Variants in SNUPN observed in about 807,000 individuals in gnomAD.
SNUPN encodes the protein snurportin-1.
In SNUPN, 31 loss-of-function variants were observed where a neutral mutation model predicts 39.2. The ratio of observed to expected loss-of-function variants is 0.79; its 90% CI spans 0.59 to 1.07. SNUPN has a LOEUF of 1.07. SNUPN is among the 50% of genes least tolerant of loss of function. SNUPN has a pLI of 0.00. For synonymous variants in SNUPN, 132 were observed against 159.0 expected (o/e 0.83, Z 1.28); for missense variants, 382 against 434.2 (o/e 0.88, Z 1.07).
intron 1 of SNUPN, among the ~76,000 whole-genome samples, chr15:75,623,391 T>C (rs568606058): frequency 8.6e-5 from 13 of 151,600 alleles, no homozygotes; most frequent in Non-Finnish European, 1.8e-4. Context: ...CCTCCTGATC[T>C]GCCCACCTTG....
In SNUPN at chr15:75,598,384, G is replaced by A. The variant is rs1279714673; in HGVS notation, c.1057C>T (p.His353Tyr). 5.0e-6 allele frequency: 8 copies of A among 1,614,058 alleles called. No homozygotes were observed. Among genetic ancestry groups the A allele is most frequent in the Non-Finnish European group, 6.8e-6 (8 of 1,179,996 alleles). The change falls in exon 9 of 9, where the codon CAC becomes TAC. Residue 353 changes from histidine (H) to tyrosine (Y), a missense_variant. Physicochemically the swap from His to Tyr is moderately conservative, Grantham distance 83 (BLOSUM62 2). Coordinates refer to ENST00000308588, the MANE Select transcript of SNUPN (RefSeq NM_005701.4). Reference sequence around the variant, plus strand: ...TAATTCTCCATGAGGCATCCAGGGTGGTCTGGGCTATGGGAAGAACCCTTC... The same window carrying A: ...TAATTCTCCATGAGGCATCCAGGGTAGTCTGGGCTATGGGAAGAACCCTTC... ...KLKGSSHSPDHPGCLMEN is the reference protein window; with the variant it reads ...KLKGSSHSPDYPGCLMEN
intron 6 of SNUPN, chr15:75,605,442 A>G (rs1046422537): frequency 7.9e-6 from 3 of 377,502 alleles, no homozygotes; most frequent in Non-Finnish European, 1.5e-5. Flanking sequence ...CTGGGACTAC[A>G]GGCGCCCACT....
Position 75,601,221 on chromosome 15 carries a change from G to C in SNUPN, c.679-3C>G, listed in dbSNP as rs2075283808. On this transcript the variant is annotated splice_region_variant and splice_polypyrimidine_tract_variant and intron_variant, in intron 7 of 8. Transcript: ENST00000308588. ...TTCTTTAGCCCCACAAATTTAAACTGAAATAGAAATTAGAACAAGGAATTA... is the reference window on the plus strand; with the variant it reads ...TTCTTTAGCCCCACAAATTTAAACTCAAATAGAAATTAGAACAAGGAATTA... 6.2e-7 allele frequency: 1 copy of C among 1,600,150 alleles called. No individual in the cohort carries two copies. Among genetic ancestry groups the C allele is most frequent in the Non-Finnish European group, 8.6e-7 (1 of 1,167,706 alleles).
At chr15:75,608,710 T>C (rs1447877120) in intron 5 of SNUPN, among the ~76,000 whole-genome samples, 1 of 152,190 alleles carries the variant, frequency 6.6e-6, no homozygotes, top group African/African-American at 2.4e-5. Context: ...TCCAAAGATA[T>C]GTTGACCTTA....
At position 75,598,332 on chromosome 15, in the gene SNUPN, G is replaced by C; in HGVS notation, c.*26C>G. 1 of 1,582,976 alleles carries C rather than the reference G, an allele frequency of 6.3e-7. No homozygotes were observed. Among genetic ancestry groups the C allele is most frequent in the Non-Finnish European group, 8.6e-7 (1 of 1,158,820 alleles). On this transcript the variant is annotated 3_prime_UTR_variant, in exon 9 of 9. Transcript: ENST00000308588. ...TCCTTTTGGGGCCAGGTACCATCCT[G>C]TGGCTCCTTAAGGAGGCTTCTCTCT...
rs774240896 is a variant in SNUPN, at chr15:75,607,310, T to C, written c.506A>G (p.Tyr169Cys). ...ATTGTAAATGCAATCTAGAATGGTG[T>C]AGTCTGAGGACACAAAGCAGAAAGT... ...GNRRNSTAKD[Y>C]TILDCIYNEV... The change falls in exon 6 of 9, where the codon TAC (tyrosine) becomes TGC (cysteine). Residue 169 changes from tyrosine to cysteine, a missense_variant. Transcript: ENST00000308588. 13 of 1,605,976 alleles carry C rather than the reference T, an allele frequency of 8.1e-6. No homozygotes were observed. The South Asian group carries it at 1.4e-4, about 18-fold the overall frequency.
chr15:75,613,127 C>G (rs1040812777), intron 3 of SNUPN, among the ~76,000 whole-genome samples: 2 of 151,794 alleles, frequency 1.3e-5, no homozygotes, highest in Non-Finnish European at 2.9e-5. Flanking sequence ...GGCGCGGTGG[C>G]GGGCACCTGT....
intron 3 of SNUPN, among the ~76,000 whole-genome samples, chr15:75,612,957 G>C (rs1469604529): frequency 2.0e-5 from 3 of 151,908 alleles, no homozygotes; most frequent in African/African-American, 7.3e-5. Context: ...TAAGAAACTT[G>C]TATCTAGAAT....
intron 1 of SNUPN, chr15:75,622,248 TA>T (rs1893092289): frequency 6.7e-6 from 4 of 598,580 alleles, no homozygotes; most frequent in Non-Finnish European, 8.4e-6. Flanking sequence ...ATTTATTTTT[TA>T]AAAAATCTGA....
At chr15:75,617,178 C>G (rs1179593872) in intron 3 of SNUPN, among the ~76,000 whole-genome samples, 1 of 152,234 alleles carries the variant, frequency 6.6e-6, no homozygotes, top group Non-Finnish European at 1.5e-5. Flanking sequence ...AGTTCCCAAA[C>G]CCCACTACCC....
At chr15:75,619,022 TAAAAAAAAAAAAAAAA>T (rs35749195) in intron 2 of SNUPN, among the ~76,000 whole-genome samples, 2 of 74,352 alleles carry the variant, frequency 2.7e-5, no homozygotes, top group South Asian at 1.1e-3. Flanking sequence ...CTACTTGTGT[TAAAAAAAAAAAAAAAA>T]AAAAAAAAAA....
At chr15:75,607,129 G>T (rs2075336540) in intron 6 of SNUPN, 87 bp downstream of exon 6, 3 of 879,796 alleles carry the variant, frequency 3.4e-6, no homozygotes, top group Non-Finnish European at 5.9e-6. Flanking sequence ...CAAGAAGTTG[G>T]TCACATACCA....
At chr15:75,620,558 G>A (rs1422982442) in intron 2 of SNUPN, among the ~76,000 whole-genome samples, 1 of 152,156 alleles carries the variant, frequency 6.6e-6, no homozygotes, top group Non-Finnish European at 1.5e-5. Context: ...AGCATCCCAG[G>A]AAATGTGGGG....
Position 75,598,520 on chromosome 15 carries a change from C to T in SNUPN, c.921G>A (p.Gln307=). The T allele has an allele frequency of 6.2e-7, 1 of 1,614,180 alleles. No homozygotes were observed. Among genetic ancestry groups the T allele is most frequent in the South Asian group, 1.1e-5 (1 of 91,080 alleles). The change falls in exon 9 of 9, where the codon CAG becomes CAA. Residue 307 remains glutamine, a synonymous_variant. Coordinates refer to ENST00000308588, the MANE Select transcript of SNUPN (RefSeq NM_005701.4). The part of the protein sequence containing the change: ...TKPDYAGHQL[Q]QIMEHKKSQK... ...GGCTCTTCTTGTGCTCCATAATCTG[C>T]TGGAGCTGGTGCCCAGCATAGTCTG...
intron 3 of SNUPN, among the ~76,000 whole-genome samples, chr15:75,612,634 T>C (rs1443878172): frequency 6.6e-6 from 1 of 152,048 alleles, no homozygotes; most frequent in Non-Finnish European, 1.5e-5. Flanking sequence ...CTCATCTATA[T>C]TGCGAGATGT....
intron 1 of SNUPN, among the ~76,000 whole-genome samples, chr15:75,623,958 C>G (rs1048074157): frequency 7.4e-6 from 1 of 135,090 alleles, no homozygotes; most frequent in African/African-American, 2.8e-5. Context: ...GACGGAGTCT[C>G]GCTCTGTCGC....
intron 2 of SNUPN, 54 bp from the exon 3 acceptor site, chr15:75,617,606 A>G: frequency 1.4e-6 from 2 of 1,400,350 alleles, no homozygotes; most frequent in South Asian, 1.3e-5. Flanking sequence ...TTTTTTTTTT[A>G]GACAGGGTCT....
At chr15:75,609,739 C>A in intron 4 of SNUPN, 88 bp from the exon 5 acceptor site, 1 of 1,183,004 alleles carries the variant, frequency 8.5e-7, no homozygotes, top group South Asian at 1.4e-5. Flanking sequence ...GTTACTCGAC[C>A]AAAGATGGCT....
Position 75,607,275 on chromosome 15 carries a change from G to A in SNUPN, c.541C>T (p.Gln181Ter), listed in dbSNP as rs1202845292. The A allele has an allele frequency of 6.2e-7, 1 of 1,613,570 alleles. No homozygotes were observed. Among genetic ancestry groups the A allele is most frequent in the African/African-American group, 1.3e-5 (1 of 74,912 alleles). Reference protein sequence around the residue: ...ILDCIYNEVNQTYYVLDVMCW... With the variant: ...ILDCIYNEVN ...ATCACATCCAGAACGTAGTAGGTCT[G>A]GTTTACCTCATTGTAAATGCAATCT... The change falls in exon 6 of 9, where the codon CAG becomes TAG. Residue 181 changes from glutamine (Q) to a stop codon, truncating the protein, a stop_gained. Coordinates refer to ENST00000308588, the MANE Select transcript of SNUPN (RefSeq NM_005701.4). LOFTEE classifies it high-confidence loss of function.
Sources: allele counts gnomAD v4.1 joint callset (sites outside exome capture counted in the v4.1 genomes callset), GRCh38; gene constraint gnomAD v4.1.1; transcripts MANE v1.5; gene names NCBI Gene and HGNC (gene_info 2026-07-23, HGNC 2026-07-21).